MACF1: variants seen among roughly 807,000 people sequenced by gnomAD.
MACF1 encodes the protein microtubule actin crosslinking factor 1.
In MACF1, 193 loss-of-function variants were observed where a neutral mutation model predicts 854.8. That is an observed-to-expected ratio of 0.23 (90% CI 0.20 to 0.25). The LOEUF is 0.25. MACF1 is among the 10% of genes least tolerant of loss of function. The probability of loss-of-function intolerance (pLI) is 1.00; values close to 1 mark genes in which losing one functional copy is unlikely to be tolerated. For synonymous variants in MACF1, 3,185 were observed against 3,226.7 expected (o/e 0.99, Z 0.44); for missense variants, 7,722 against 8,929.1 (o/e 0.86, Z 5.45).
At chr1:39,369,976 A>G in intron 50 of MACF1, 54 bp from the exon 51 acceptor site, 2 of 1,540,068 alleles carry the variant, frequency 1.3e-6, no homozygotes, top group Non-Finnish European at 1.8e-6. Context: ...CTCTTAGCTC[A>G]AGTTGACTTT....
intron 58 of MACF1, chr1:39,413,815 TC>T: frequency 1.2e-6 from 2 of 1,608,026 alleles, no homozygotes; most frequent in Non-Finnish European, 1.7e-6. Flanking sequence ...AGAATCTGCC[TC>T]CTTTGCAGCT....
intron 84 of MACF1, among the ~76,000 whole-genome samples, chr1:39,449,147 G>T (rs1169893755): frequency 1.3e-5 from 2 of 152,106 alleles, no homozygotes; most frequent in Non-Finnish European, 2.9e-5. Flanking sequence ...AATTACTACT[G>T]AATATGTACC....
chr1:39,278,321 G>A (rs959057590), intron 6 of MACF1, among the ~76,000 whole-genome samples: 1 of 152,156 alleles, frequency 6.6e-6, no homozygotes, highest in East Asian at 1.9e-4. Flanking sequence ...TTCTCATCCA[G>A]TTTCCAGTCT....
intron 2 of MACF1, among the ~76,000 whole-genome samples, chr1:39,100,223 G>A (rs59244280): frequency 1.3e-5 from 2 of 151,960 alleles, no homozygotes; most frequent in Non-Finnish European, 1.5e-5. Context: ...AGAGTAAGAC[G>A]CTGCCTCTAA....
chr1:39,465,056 C>G (rs1015423858), intron 94 of MACF1, 39 bp from the exon 95 acceptor site: 1 of 1,582,194 alleles, frequency 6.3e-7, no homozygotes, highest in Non-Finnish European at 8.6e-7. Flanking sequence ...TTTTTTTTTC[C>G]CCTCCTTTCC....
rs114275074 is a variant in MACF1 at position 39,269,002 on chromosome 1, G to A, written c.528+10974G>A. 5,284 of 1,287,354 alleles carry A rather than the reference G, an allele frequency of 4.1e-3. 212 individuals carry two copies. In the African/African-American group the frequency reaches 0.074, roughly 18 times the overall value. The allele number at this position is 1,287,354 out of a possible 1,614,324, so 79.7% of individuals were successfully genotyped here. ...GCCCCCAACTCACGGGTAGTCGATC[G>A]GGGGATGATAGTACAGGTAAAGGAG... On this transcript the variant is annotated intron_variant, in intron 6 of 100. Transcript: ENST00000564288.
chr1:39,412,409 G>A (rs201734236), intron 58 of MACF1: 25 of 1,613,938 alleles, frequency 1.5e-5, no homozygotes, highest in Non-Finnish European at 1.9e-5. Context: ...GAGAAAGTTT[G>A]TGATGAGGAT....
Position 39,434,568 on chromosome 1 carries a change from T to C in MACF1, c.17720T>C (p.Ile5907Thr), listed in dbSNP as rs531424854. Residue 5907 changes from isoleucine to threonine, a missense_variant, in exon 69 of 101, where the codon ATA becomes ACA. By Grantham distance (89) the Ile-to-Thr change is moderately conservative. Transcript: ENST00000564288. ...TGGATTGAGGAAACTCGGGCACTAA[T>C]AGCACAGTTACCCTCTCCAGCCATT... ...SPWIEETRAL[I>T]AQLPSPAIDH... The C allele has an allele frequency of 6.2e-7, 1 of 1,614,170 alleles. No homozygotes were observed. The highest frequency in any genetic ancestry group is 1.3e-5 in the African/African-American group (1 of 75,050).
intron 2 of MACF1, among the ~76,000 whole-genome samples, chr1:39,115,659 G>A (rs1642525526): frequency 6.6e-6 from 1 of 152,124 alleles, no homozygotes; most frequent in Non-Finnish European, 1.5e-5. Context: ...GGGTGAGAGA[G>A]TCATCAGCTT....
intron 2 of MACF1, among the ~76,000 whole-genome samples, chr1:39,155,329 A>G (rs781368106): frequency 4.6e-5 from 7 of 152,212 alleles, no homozygotes; most frequent in African/African-American, 7.2e-5. Context: ...TTTTAAATGC[A>G]CTTAGTTCAA....
intron 2 of MACF1, among the ~76,000 whole-genome samples, chr1:39,100,950 CA>C (rs967502643): frequency 3.3e-5 from 5 of 152,040 alleles, no homozygotes; most frequent in Admixed American, 6.6e-5. Context: ...TTTTAGAGAC[CA>C]AATTTTGCCA....
rs1553414036 is a variant in MACF1, at chr1:39,440,111, C to CTTTTCTTTTCT, written c.18447+615_18447+616insCTTTTCTTTTT. Among the ~76,000 whole-genome samples, 58 of 64,514 alleles carry CTTTTCTTTTCT rather than the reference C, an allele frequency of 9.0e-4. 1 individual carries two copies. The highest frequency in any genetic ancestry group is 3.2e-3 in the African/African-American group (47 of 14,886). 42.3% of individuals were successfully genotyped at this position (64,514 alleles called of 152,430 possible). ...CTTTTCTTTTCTTTTCTTTTCTTTT[C>CTTTTCTTTTCT]TTTTTTTTTTTTTTTTTTGGAGACA... On this transcript the variant is annotated intron_variant, in intron 72 of 100. Transcript: ENST00000564288.
At position 39,084,309 on chromosome 1, in the gene MACF1, T is replaced by C; in HGVS notation, c.91T>C (p.Ser31Pro). The C allele has an allele frequency of 1.9e-6, 3 of 1,614,010 alleles. No individual in the cohort carries two copies. The highest frequency in any genetic ancestry group is 2.5e-6 in the Non-Finnish European group (3 of 1,179,996). The change falls in exon 2 of 94, where the codon TCG becomes CCG. Residue 31 changes from serine to proline, a missense_variant. Physicochemically the swap from Ser to Pro is moderately conservative, Grantham distance 74. Coordinates refer to the MACF1 transcript ENST00000361689. The surrounding 1 kb of genome is among the most constrained non-coding windows in gnomAD (Gnocchi z 5.2). ...TGAGCGATCTTACAGGAGCGAGCGGTCGGGGAGCCTGTCTCCCTGTCCCCC... is the reference window on the plus strand; with the variant it reads ...TGAGCGATCTTACAGGAGCGAGCGGCCGGGGAGCCTGTCTCCCTGTCCCCC...
rs111618798 is a variant in MACF1, at chr1:39,251,937, A to C, written c.353A>C (p.Asp118Ala). ...NEEQAEEDDD[D>A]VPREKGRMRF... ...GAGCAGGCGGAGGAAGATGATGATG[A>C]TGTAGTAGGTCCTCCTGGGGATGCC... The change falls in exon 4 of 101, where the codon GAT (aspartate) becomes GCT (alanine). Residue 118 changes from aspartate to alanine, a missense_variant. Physicochemically the swap from Asp to Ala is moderately radical, Grantham distance 126. Transcript: ENST00000564288. The C allele has an allele frequency of 2.1e-5, 32 of 1,509,286 alleles. No individual in the cohort carries two copies. Among genetic ancestry groups the C allele is most frequent in the Non-Finnish European group, 2.6e-5 (29 of 1,133,704 alleles). 93.5% of individuals were successfully genotyped at this position (1,509,286 alleles called of 1,614,324 possible). A position where few individuals can be genotyped will look rare whatever the true frequency, so the allele number is the denominator to read the frequency against.
intron 2 of MACF1, among the ~76,000 whole-genome samples, chr1:39,191,443 A>G (rs186587259): frequency 6.6e-6 from 1 of 152,324 alleles, no homozygotes; most frequent in Admixed American, 6.5e-5. Flanking sequence ...AGGAACATCT[A>G]TTGGGAGAAA....
At chr1:39,223,965 A>G (rs935829173) in intron 1 of MACF1, among the ~76,000 whole-genome samples, 4 of 152,180 alleles carry the variant, frequency 2.6e-5, no homozygotes, top group Non-Finnish European at 5.9e-5. Context: ...AGAAAAGAAG[A>G]GTTCAGTTTT....
chr1:39,471,628 G>C (rs1362644642), intron 97 of MACF1, among the ~76,000 whole-genome samples: 1 of 152,176 alleles, frequency 6.6e-6, no homozygotes, highest in Non-Finnish European at 1.5e-5. Flanking sequence ...GTTTCTGAAT[G>C]TATCCGTGGC....
At chr1:39,134,400 T>A (rs181396518) in intron 2 of MACF1, among the ~76,000 whole-genome samples, 41 of 152,262 alleles carry the variant, frequency 2.7e-4, no homozygotes, top group African/African-American at 9.9e-4. Context: ...CTCTAACATT[T>A]AACAGTACAT....
intron 1 of MACF1, among the ~76,000 whole-genome samples, chr1:39,210,785 T>C (rs1394705275): frequency 6.6e-6 from 1 of 152,200 alleles, no homozygotes; most frequent in African/African-American, 2.4e-5. Context: ...TGGAGTCAGA[T>C]TGCCTATGTT....
Sources: allele counts gnomAD v4.1 joint callset (sites outside exome capture counted in the v4.1 genomes callset), GRCh38; gene constraint gnomAD v4.1.1; non-coding constraint Gnocchi (gnomAD v3.1); transcripts MANE v1.5; gene names NCBI Gene and HGNC (gene_info 2026-07-23, HGNC 2026-07-21).